PIP4K2C: variants seen among roughly 807,000 people sequenced by gnomAD.
PIP4K2C encodes the protein phosphatidylinositol 5-phosphate 4-kinase type-2 gamma.
In PIP4K2C, 21 loss-of-function variants were observed where a neutral mutation model predicts 45.0. That is an observed-to-expected ratio of 0.47 (90% confidence interval 0.33 to 0.67). The LOEUF is 0.67. Among genes scored for constraint, PIP4K2C ranks in the 30% least tolerant of loss-of-function variants. The pLI, the probability that PIP4K2C is intolerant of heterozygous loss-of-function variation, is 0.02. For missense variants in PIP4K2C, 456 were observed against 542.8 expected (o/e 0.84, Z 1.59); for synonymous variants, 201 against 204.8 (o/e 0.98, Z 0.16).
At position 57,599,070 on chromosome 12, in the gene PIP4K2C, T is replaced by C. The variant is rs1006645332; in HGVS notation, c.519T>C (p.Ile173=). 1.2e-6 allele frequency: 2 copies of C among 1,613,932 alleles called. No individual in the cohort carries two copies. The highest frequency in any genetic ancestry group is 1.7e-6 in the Non-Finnish European group (2 of 1,179,940). Reference sequence around the variant, plus strand: ...TTCCCCCTCTTTCACTGTAGTACATTGTGAAGTGCCATGGCAACACGCTTC... The same window carrying C: ...TTCCCCCTCTTTCACTGTAGTACATCGTGAAGTGCCATGGCAACACGCTTC... ...HSNLSNYHQY[I]VKCHGNTLLP... Residue 173 remains isoleucine (I), a synonymous_variant, in exon 5 of 10, where the codon ATT becomes ATC. Transcript: ENST00000354947.
At chr12:57,595,752 T>A (rs1594938277) in intron 3 of PIP4K2C, 136 bp from the exon 4 acceptor site, 2 of 861,488 alleles carry the variant, frequency 2.3e-6, no homozygotes, top group African/African-American at 1.7e-5. Context: ...TCAGTCCACA[T>A]ATGGACACCT....
Position 57,595,126 on chromosome 12 carries a change from G to C in PIP4K2C, c.273G>C (p.Arg91Ser), listed in dbSNP as rs2140185236. Residue 91 changes from arginine (R) to serine (S), a missense_variant and splice_region_variant, in exon 3 of 10, where the codon AGG (arginine) becomes AGC (serine). Coordinates refer to ENST00000354947, the MANE Select transcript of PIP4K2C (RefSeq NM_024779.5). ...KIKVNNHLFH[R>S]ENLPSHFKFK... ...CTTACTTTGAAAACCTGAATTTCAG[G>C]GAAAATCTGCCCAGTCATTTCAAGT... 1 of 1,591,436 alleles carries C rather than the reference G, an allele frequency of 6.3e-7. No homozygotes were observed. The highest frequency in any genetic ancestry group is 2.2e-5 in the East Asian group (1 of 44,794).
chr12:57,591,471 C>A lies in PIP4K2C; in HGVS notation c.174+8C>A. The A allele has an allele frequency of 1.2e-6, 2 of 1,608,856 alleles. No individual in the cohort carries two copies. Among genetic ancestry groups the A allele is most frequent in the Non-Finnish European group, 1.7e-6 (2 of 1,177,282 alleles). On this transcript the variant is annotated splice_region_variant and intron_variant, in intron 1 of 9. Coordinates refer to ENST00000354947, the MANE Select transcript of PIP4K2C (RefSeq NM_024779.5). ...TGGGGCGTAGCCCACTCGGTGAGAA[C>A]CAGCCCTAGACCCCCGCAGCCCTGT...
At chr12:57,600,514 A>G (rs1883382822) in intron 7 of PIP4K2C, 77 bp downstream of exon 7, 1 of 996,512 alleles carries the variant, frequency 1.0e-6, no homozygotes. Flanking sequence ...CATTCACGGT[A>G]TGAGGGAGCT....
rs767471898 is a variant in PIP4K2C at position 57,600,816 on chromosome 12, A to T, written c.819A>T (p.Leu273=). ...LEKLKRDVEF[L]VQLKIMDYSL... ...GATTTGTCAGTGGGTCTCAGTTTCTAGTGCAGCTGAAGATCATGGACTACA... is the reference window on the plus strand; with the variant it reads ...GATTTGTCAGTGGGTCTCAGTTTCTTGTGCAGCTGAAGATCATGGACTACA... Residue 273 remains leucine, a synonymous_variant, in exon 8 of 10, where the codon CTA becomes CTT. Coordinates refer to ENST00000354947, the MANE Select transcript of PIP4K2C (RefSeq NM_024779.5). The T allele has an allele frequency of 1.9e-5, 30 of 1,613,998 alleles. No individual in the cohort carries two copies. Among genetic ancestry groups the T allele is most frequent in the Non-Finnish European group, 2.4e-5 (28 of 1,180,012 alleles).
At chr12:57,596,251 T>C (rs1333450827) in intron 4 of PIP4K2C, among the ~76,000 whole-genome samples, 2 of 152,094 alleles carry the variant, frequency 1.3e-5, no homozygotes, top group Non-Finnish European at 2.9e-5. Flanking sequence ...TTTGGGAGGC[T>C]GAGGCGGGAG....
chr12:57,594,223 A>C, intron 2 of PIP4K2C, 101 bp downstream of exon 2: 1 of 922,362 alleles, frequency 1.1e-6, no homozygotes, highest in Non-Finnish European at 1.6e-6. Flanking sequence ...ATCCTTCCCA[A>C]ATGCAGAAAT....
chr12:57,599,942 G>A (rs762834600), intron 6 of PIP4K2C, among the ~76,000 whole-genome samples: 26 of 152,180 alleles, frequency 1.7e-4, no homozygotes, highest in South Asian at 6.2e-4. Flanking sequence ...TACTTGGGAG[G>A]CTGAGGTGGG....
Position 57,599,442 on chromosome 12 carries a change from A to G in PIP4K2C, c.699+4A>G, listed in dbSNP as rs767351222. The G allele has an allele frequency of 9.3e-6, 15 of 1,614,112 alleles. No individual in the cohort carries two copies. Among genetic ancestry groups the G allele is most frequent in the Non-Finnish European group, 1.3e-5 (15 of 1,180,020 alleles). ...GGAAGCCAGCGATAAGGAAAAGGTG[A>G]TAGTAATTTTATGTGCTAGGGTGAG... On this transcript the variant is annotated splice_donor_region_variant and intron_variant, in intron 6 of 9. Coordinates refer to ENST00000354947, the MANE Select transcript of PIP4K2C (RefSeq NM_024779.5).
chr12:57,599,372 C>T (rs1416170689), intron 5 of PIP4K2C, 28 bp from the exon 6 acceptor site: 2 of 1,613,930 alleles, frequency 1.2e-6, no homozygotes, highest in African/African-American at 2.7e-5. Flanking sequence ...GCCACTTCTA[C>T]TGACTTGGTG....
intron 1 of PIP4K2C, among the ~76,000 whole-genome samples, chr12:57,593,326 C>T (rs747987526): frequency 3.3e-5 from 5 of 152,102 alleles, no homozygotes; most frequent in Non-Finnish European, 7.4e-5. Context: ...ATCCTGGGGG[C>T]CGAGGAGAGC....
chr12:57,596,350 T>A (rs1883193747), intron 4 of PIP4K2C, among the ~76,000 whole-genome samples: 1 of 152,076 alleles, frequency 6.6e-6, no homozygotes, highest in Non-Finnish European at 1.5e-5. Context: ...CTGGGCATGA[T>A]GGCTCATGCC....
At position 57,591,227 on chromosome 12, in the gene PIP4K2C, CG is replaced by C. The variant is rs1424411717; in HGVS notation, c.-59del. Reference sequence around the variant, plus strand: ...CAGCAGCGCAGGTGAGCGCCGCTTCCGGGGTCGGGCGCCTGGATAGCTGCCG... The same window carrying C: ...CAGCAGCGCAGGTGAGCGCCGCTTCCGGGTCGGGCGCCTGGATAGCTGCCG... On this transcript the variant is annotated 5_prime_UTR_variant, in exon 1 of 10. Transcript: ENST00000354947. 4 of 1,529,100 alleles carry C rather than the reference CG, an allele frequency of 2.6e-6. No homozygotes were observed. The highest frequency in any genetic ancestry group is 2.5e-5 in the South Asian group (2 of 81,014). 94.7% of individuals were successfully genotyped at this position (1,529,100 alleles called of 1,614,324 possible).
chr12:57,591,273 C>A lies in PIP4K2C; in HGVS notation c.-17C>A, dbSNP rs774139757. 1 of 1,591,020 alleles carries A rather than the reference C, an allele frequency of 6.3e-7. No individual in the cohort carries two copies. Among genetic ancestry groups the A allele is most frequent in the Non-Finnish European group, 8.6e-7 (1 of 1,165,072 alleles). On this transcript the variant is annotated 5_prime_UTR_variant, in exon 1 of 10. Transcript: ENST00000354947. ...CTGCCGGCTCCGGCTTCCACTTGGT[C>A]GGTTGCGCGGGAGACTATGGCGTCC...
chr12:57,591,206 A>G lies in PIP4K2C; in HGVS notation c.-84A>G. On this transcript the variant is annotated 5_prime_UTR_variant, in exon 1 of 10. Coordinates refer to ENST00000354947, the MANE Select transcript of PIP4K2C (RefSeq NM_024779.5). ...GTCCGGCCTCCGGTCACGTGACAGC[A>G]GCGCAGGTGAGCGCCGCTTCCGGGG... 1.5e-6 allele frequency: 2 copies of G among 1,358,192 alleles called. No homozygotes were observed. The highest frequency in any genetic ancestry group is 2.0e-6 in the Non-Finnish European group (2 of 997,266). The allele number at this position is 1,358,192 out of a possible 1,614,324, so 84.1% of individuals were successfully genotyped here.
In PIP4K2C at chr12:57,601,972, C is replaced by T. The variant is rs189921682; in HGVS notation, c.*366C>T. 8 of 256,802 alleles carry T rather than the reference C, an allele frequency of 3.1e-5. No individual in the cohort carries two copies. The East Asian group carries it at 6.3e-4, about 20-fold the overall frequency. The allele number at this position is 256,802 out of a possible 1,614,324, so 15.9% of individuals were successfully genotyped here. A position where few individuals can be genotyped will look rare whatever the true frequency, so the allele number is the denominator to read the frequency against. On this transcript the variant is annotated 3_prime_UTR_variant, in exon 10 of 10. Coordinates refer to ENST00000354947, the MANE Select transcript of PIP4K2C (RefSeq NM_024779.5). ...TTGCCTTCTTCAGGACCTGACTGGA[C>T]AGATGGACCTGGCTCAAGCAACTAC...
In PIP4K2C at chr12:57,601,691, T is replaced by C. The variant is rs2140195051; in HGVS notation, c.*85T>C. The C allele has an allele frequency of 1.7e-6, 2 of 1,210,790 alleles. No homozygotes were observed. The highest frequency in any genetic ancestry group is 3.8e-4 in the Middle Eastern group (2 of 5,210). 75.0% of individuals were successfully genotyped at this position (1,210,790 alleles called of 1,614,324 possible). On this transcript the variant is annotated 3_prime_UTR_variant, in exon 10 of 10. Coordinates refer to ENST00000354947, the MANE Select transcript of PIP4K2C (RefSeq NM_024779.5). Reference sequence around the variant, plus strand: ...TTGTGGGGATATTCTAGCCACCAGTTCTCTTCTTCCTTTGCTAAATTCAGG... The same window carrying C: ...TTGTGGGGATATTCTAGCCACCAGTCCTCTTCTTCCTTTGCTAAATTCAGG...
chr12:57,600,775 T>A (rs1883393580), intron 7 of PIP4K2C, 36 bp from the exon 8 acceptor site: 3 of 1,611,266 alleles, frequency 1.9e-6, no homozygotes, highest in East Asian at 2.2e-5. Flanking sequence ...CAGTGAAGAG[T>A]GAGAGAGAGG....
At chr12:57,594,641 C>T (rs1742441227) in intron 2 of PIP4K2C, among the ~76,000 whole-genome samples, 1 of 152,156 alleles carries the variant, frequency 6.6e-6, no homozygotes. Context: ...GAGACAGTCT[C>T]CTCTTCTATA....
Sources: allele counts gnomAD v4.1 joint callset (sites outside exome capture counted in the v4.1 genomes callset), GRCh38; gene constraint gnomAD v4.1.1; transcripts MANE v1.5; gene names NCBI Gene and HGNC (gene_info 2026-07-23, HGNC 2026-07-21).